PTCHD4: variants seen among roughly 807,000 people sequenced by gnomAD.
PTCHD4 encodes the protein patched domain-containing protein 4.
Under a neutral mutation model 58.1 loss-of-function variants are expected in PTCHD4, and 33 were observed. That is an observed-to-expected ratio of 0.57 (90% confidence interval 0.43 to 0.76). The LOEUF (loss-of-function observed/expected upper bound fraction) is 0.76, where lower values mean the gene tolerates loss of function less well. Ranked by LOEUF, PTCHD4 falls within the 30% of genes least tolerant of loss-of-function variation. The pLI is 0.00. For synonymous variants in PTCHD4, 478 were observed against 409.6 expected (o/e 1.17, Z -2.02); for missense variants, 1,058 against 1,027.1 (o/e 1.03, Z -0.41).
intron 4 of PTCHD4, among the ~76,000 whole-genome samples, chr6:47,937,387 A>G (rs765032751): frequency 2.0e-5 from 3 of 152,148 alleles, no homozygotes; most frequent in Non-Finnish European, 2.9e-5. Flanking sequence ...TAAAATCAAC[A>G]TTATTTCCTT....
In PTCHD4 at chr6:47,867,269, G is replaced by A. The variant is rs1000570752; in HGVS notation, c.*11034C>T. Among the ~76,000 whole-genome samples the A allele has an allele frequency of 6.6e-5, 10 of 151,682 alleles. No homozygotes were observed. The highest frequency in any genetic ancestry group is 2.1e-4 in the South Asian group (1 of 4,822). ...AGGGCTTTTGTGCCAGAACGTGGAC[G>A]GTGTTCCATCATCAGGAGAATCAAA... On this transcript the variant is annotated 3_prime_UTR_variant, in exon 5 of 5. Transcript: ENST00000339488.
At chr6:47,966,679 C>G (rs1039125033) in intron 4 of PTCHD4, among the ~76,000 whole-genome samples, 1 of 152,162 alleles carries the variant, frequency 6.6e-6, no homozygotes, top group African/African-American at 2.4e-5. Flanking sequence ...CCTTTGTTGT[C>G]ATTTCAACAA....
At chr6:47,990,592 A>C (rs910224537) in intron 4 of PTCHD4, among the ~76,000 whole-genome samples, 1 of 152,118 alleles carries the variant, frequency 6.6e-6, no homozygotes, top group African/African-American at 2.4e-5. Flanking sequence ...TCTTGCCACC[A>C]CCATATAAGA....
In PTCHD4 at chr6:47,866,184, C is replaced by T. The variant is rs919958505; in HGVS notation, c.*12119G>A. Among the ~76,000 whole-genome samples, 2 of 151,818 alleles carry T rather than the reference C, an allele frequency of 1.3e-5. No individual in the cohort carries two copies. Among genetic ancestry groups the T allele is most frequent in the African/African-American group, 4.8e-5 (2 of 41,368 alleles). ...TGTCACAGACGCTTTTGTCTTGTGA[C>T]TTTTTAAAACTTCACTTAATAAAAG... On this transcript the variant is annotated 3_prime_UTR_variant, in exon 5 of 5. Transcript: ENST00000339488.
chr6:47,965,772 CA>C (rs1490791761), intron 4 of PTCHD4, among the ~76,000 whole-genome samples: 1 of 151,940 alleles, frequency 6.6e-6, no homozygotes, highest in Non-Finnish European at 1.5e-5. Context: ...ACTAAAACTA[CA>C]AAAAATTGGT....
intron 4 of PTCHD4, chr6:47,901,808 G>A: frequency 1.6e-6 from 2 of 1,279,228 alleles, no homozygotes; most frequent in Non-Finnish European, 2.0e-6. Flanking sequence ...TGTATCCTAG[G>A]AGTCTTCACA....
Position 47,874,941 on chromosome 6 carries a change from T to A in PTCHD4, c.*3362A>T, listed in dbSNP as rs866640308. 5.9e-5 allele frequency among the ~76,000 whole-genome samples: 9 copies of A among 151,918 alleles called. No individual in the cohort carries two copies. The South Asian group carries it at 1.7e-3, about 28-fold the overall frequency. On this transcript the variant is annotated 3_prime_UTR_variant, in exon 5 of 5. Coordinates refer to ENST00000339488, the MANE Select transcript of PTCHD4 (RefSeq NM_001384253.1). ...ACGGTAAAAAATCTTTTAGCTGATC[T>A]CTCTGTAATTTAGGTGAGTACCTCT...
intron 4 of PTCHD4, among the ~76,000 whole-genome samples, chr6:47,962,156 T>C (rs527591095): frequency 6.6e-6 from 1 of 152,296 alleles, no homozygotes; most frequent in Non-Finnish European, 1.5e-5. Flanking sequence ...ATCAGACGTT[T>C]TGTATAATAT....
chr6:48,012,993 T>G (rs556695128), intron 3 of PTCHD4, among the ~76,000 whole-genome samples: 2 of 152,286 alleles, frequency 1.3e-5, no homozygotes, highest in South Asian at 4.1e-4. Flanking sequence ...TATTGAGGAT[T>G]TTAGCATTGA....
rs556800164 is a variant in PTCHD4 at position 47,907,272 on chromosome 6, C to T, written c.899-27336G>A. Among the ~76,000 whole-genome samples the T allele has an allele frequency of 2.6e-5, 4 of 152,296 alleles. No individual in the cohort carries two copies. The East Asian group carries it at 7.7e-4, about 29-fold the overall frequency. On this transcript the variant is annotated intron_variant, in intron 4 of 4. Coordinates refer to ENST00000339488, the MANE Select transcript of PTCHD4 (RefSeq NM_001384253.1). ...GCCAAATGGTCTTGGTATTATTTTA[C>T]ATTAGTCCAGGGTCCCAGAAGCACA...
At chr6:47,987,809 C>T (rs1768130369) in intron 4 of PTCHD4, among the ~76,000 whole-genome samples, 1 of 150,344 alleles carries the variant, frequency 6.7e-6, no homozygotes, top group African/African-American at 2.5e-5. Flanking sequence ...TGGAGTCTGG[C>T]TCTGTTGCCC....
intron 4 of PTCHD4, among the ~76,000 whole-genome samples, chr6:47,881,745 C>G (rs58293214): frequency 3.3e-5 from 5 of 152,040 alleles, no homozygotes; most frequent in African/African-American, 4.8e-5. Context: ...ACACATTGGC[C>G]AAACTTTTGG....
chr6:48,075,891 T>G (rs1765057040), intron 1 of PTCHD4, among the ~76,000 whole-genome samples: 2 of 152,212 alleles, frequency 1.3e-5, no homozygotes, highest in South Asian at 4.1e-4. Flanking sequence ...TTAGAGTGGT[T>G]GTGGAAATTT....
chr6:47,926,373 CAT>C (rs1460423059), intron 4 of PTCHD4, among the ~76,000 whole-genome samples: 1 of 152,180 alleles, frequency 6.6e-6, no homozygotes, highest in Admixed American at 6.5e-5. Flanking sequence ...TTAACTATAA[CAT>C]GTCTGATTTT....
chr6:48,074,059 T>C (rs990868772), intron 1 of PTCHD4, among the ~76,000 whole-genome samples: 20 of 152,036 alleles, frequency 1.3e-4, no homozygotes, highest in Non-Finnish European at 2.9e-5. Flanking sequence ...CTTGTGGGTT[T>C]TAAGAAGATG....
At chr6:48,034,422 G>C (rs933684686) in intron 3 of PTCHD4, among the ~76,000 whole-genome samples, 5 of 152,014 alleles carry the variant, frequency 3.3e-5, no homozygotes, top group Admixed American at 3.3e-4. Context: ...CTTGACATGA[G>C]GAATTAGAAG....
chr6:48,036,509 G>A (rs1233055208), intron 3 of PTCHD4, among the ~76,000 whole-genome samples: 1 of 152,136 alleles, frequency 6.6e-6, no homozygotes, highest in African/African-American at 2.4e-5. Context: ...AATCCCAGAT[G>A]TGAATCCTCC....
intron 4 of PTCHD4, among the ~76,000 whole-genome samples, chr6:47,996,091 C>T (rs919515994): frequency 6.6e-6 from 1 of 151,852 alleles, no homozygotes; most frequent in Non-Finnish European, 1.5e-5. Context: ...ATATTTTTTT[C>T]GTTCATAGTA....
chr6:47,910,973 T>C (rs1012151284), intron 4 of PTCHD4, among the ~76,000 whole-genome samples: 3 of 152,124 alleles, frequency 2.0e-5, no homozygotes, highest in African/African-American at 4.8e-5. Context: ...GTGAAGCTCA[T>C]GACCTAATAG....
Sources: allele counts gnomAD v4.1 joint callset (sites outside exome capture counted in the v4.1 genomes callset), GRCh38; gene constraint gnomAD v4.1.1; transcripts MANE v1.5; gene names NCBI Gene and HGNC (gene_info 2026-07-23, HGNC 2026-07-21).